ADAMTS6: variants seen among roughly 807,000 people sequenced by gnomAD.
ADAMTS6 encodes ADAM metallopeptidase with thrombospondin type 1 motif 6, also known as A disintegrin and metalloproteinase with thrombospondin motifs 6.
Under a neutral mutation model 144.3 loss-of-function variants are expected in ADAMTS6, and 23 were observed. The observed-to-expected ratio is 0.16, with a 90% confidence interval of 0.11 to 0.23. ADAMTS6 has a LOEUF of 0.23. Ranked by LOEUF, ADAMTS6 falls within the 10% of genes least tolerant of loss-of-function variation. The pLI, the probability that ADAMTS6 is intolerant of heterozygous loss-of-function variation, is 1.00. For missense variants in ADAMTS6, 999 were observed against 1,379.6 expected, an observed-to-expected ratio of 0.72 and a Z score of 4.37; for synonymous variants, 444 against 457.5, an observed-to-expected ratio of 0.97 and a Z score of 0.38.
At chr5:65,233,091 C>A (rs1411054309) in intron 15 of ADAMTS6, among the ~76,000 whole-genome samples, 2 of 152,000 alleles carry the variant, frequency 1.3e-5, no homozygotes, top group Admixed American at 6.6e-5. Context: ...AAATGAAGGA[C>A]AAAATCCAAA....
chr5:65,302,860 G>C (rs564816787), intron 9 of ADAMTS6, among the ~76,000 whole-genome samples: 1 of 152,202 alleles, frequency 6.6e-6, no homozygotes, highest in Non-Finnish European at 1.5e-5. Flanking sequence ...GACAGGCTCA[G>C]ATGGCTTTAA....
chr5:65,358,020 C>T (rs1216628705), intron 7 of ADAMTS6, among the ~76,000 whole-genome samples: 1 of 151,762 alleles, frequency 6.6e-6, no homozygotes, highest in African/African-American at 2.4e-5. Context: ...GGAAGGACAC[C>T]ACAAGAGAAG....
chr5:65,336,620 A>G (rs1747334042), intron 7 of ADAMTS6, among the ~76,000 whole-genome samples: 1 of 152,098 alleles, frequency 6.6e-6, no homozygotes, highest in African/African-American at 2.4e-5. Context: ...ATACAAATTG[A>G]GGGCACTCTT....
intron 7 of ADAMTS6, among the ~76,000 whole-genome samples, chr5:65,427,729 T>G (rs2150210222): frequency 6.9e-6 from 1 of 145,270 alleles, no homozygotes; most frequent in African/African-American, 2.6e-5. Context: ...ACCCAGGAGG[T>G]GGCGCTTGCA....
chr5:65,208,382 T>C (rs568610014), intron 20 of ADAMTS6, among the ~76,000 whole-genome samples: 1 of 152,310 alleles, frequency 6.6e-6, no homozygotes, highest in South Asian at 2.1e-4. Context: ...AAAGTTCTCC[T>C]TGGGTATTCT....
intron 7 of ADAMTS6, among the ~76,000 whole-genome samples, chr5:65,432,718 C>T (rs1757089705): frequency 1.3e-5 from 2 of 151,988 alleles, no homozygotes; most frequent in Non-Finnish European, 1.5e-5. Flanking sequence ...TATTCTATAA[C>T]TTTGTTTGCT....
intron 18 of ADAMTS6, among the ~76,000 whole-genome samples, chr5:65,222,820 A>T (rs960142658): frequency 3.9e-5 from 6 of 152,038 alleles, no homozygotes; most frequent in Non-Finnish European, 7.4e-5. Context: ...TAAAATTTCT[A>T]AGATAGGACA....
At chr5:65,475,724 T>C (rs927510804) in intron 1 of ADAMTS6, among the ~76,000 whole-genome samples, 1 of 151,954 alleles carries the variant, frequency 6.6e-6, no homozygotes. Context: ...CAGAAAAAAA[T>C]GGGAAATAGT....
chr5:65,312,368 A>G (rs1299780990), intron 9 of ADAMTS6, among the ~76,000 whole-genome samples: 1 of 152,050 alleles, frequency 6.6e-6, no homozygotes, highest in Non-Finnish European at 1.5e-5. Flanking sequence ...GAGCTTGACT[A>G]TGAATCACTT....
At chr5:65,191,606 T>C (rs942874638) in intron 21 of ADAMTS6, among the ~76,000 whole-genome samples, 1 of 152,058 alleles carries the variant, frequency 6.6e-6, no homozygotes, top group Non-Finnish European at 1.5e-5. Flanking sequence ...AATTCATTTA[T>C]ATAAATTATT....
At chr5:65,375,033 G>A (rs377229980) in intron 7 of ADAMTS6, among the ~76,000 whole-genome samples, 5 of 152,150 alleles carry the variant, frequency 3.3e-5, no homozygotes, top group Non-Finnish European at 1.5e-5. Flanking sequence ...TTAATAAATG[G>A]TGCTGGGAAA....
chr5:65,356,043 A>T (rs1026208311), intron 7 of ADAMTS6, among the ~76,000 whole-genome samples: 1 of 151,966 alleles, frequency 6.6e-6, no homozygotes, highest in East Asian at 1.9e-4. Flanking sequence ...GAAACAATTC[A>T]TGTTCAGACT....
intron 7 of ADAMTS6, among the ~76,000 whole-genome samples, chr5:65,403,764 T>C (rs1332046715): frequency 6.6e-6 from 1 of 152,076 alleles, no homozygotes; most frequent in Non-Finnish European, 1.5e-5. Flanking sequence ...CACACACATA[T>C]ACAAATAATA....
chr5:65,450,336 C>G (rs1162036119), intron 7 of ADAMTS6, among the ~76,000 whole-genome samples: 1 of 152,120 alleles, frequency 6.6e-6, no homozygotes, highest in African/African-American at 2.4e-5. Flanking sequence ...AGAAATTTCA[C>G]TGTATGACTC....
intron 14 of ADAMTS6, among the ~76,000 whole-genome samples, chr5:65,253,407 T>G (rs775282306): frequency 6.6e-6 from 1 of 152,198 alleles, no homozygotes; most frequent in African/African-American, 2.4e-5. Flanking sequence ...TCAAGAAAAG[T>G]TTTGGGATCG....
At chr5:65,243,720 C>G (rs1374278234) in intron 14 of ADAMTS6, among the ~76,000 whole-genome samples, 2 of 151,944 alleles carry the variant, frequency 1.3e-5, no homozygotes, top group African/African-American at 4.8e-5. Context: ...CTTGACTTTT[C>G]AAGCTATTTT....
Position 65,206,567 on chromosome 5 carries a change from G to A in ADAMTS6, c.2575+8227C>T, listed in dbSNP as rs145486448. ...ACAAAAAAATCAGCCGGGCATGGTG[G>A]CATGCGCCTGTAATTCCAGCTACTC... is the stretch of plus-strand genomic sequence containing the variant. On this transcript the variant is annotated intron_variant, in intron 20 of 24. Coordinates refer to ENST00000381055, the MANE Select transcript of ADAMTS6 (RefSeq NM_197941.4). 3.3e-3 allele frequency among the ~76,000 whole-genome samples: 509 copies of A among 152,048 alleles called. 3 individuals are homozygous for A. The highest frequency in any genetic ancestry group is 4.8e-3 in the Non-Finnish European group (326 of 67,976).
At chr5:65,479,803 T>C (rs1414957415) in intron 1 of ADAMTS6, among the ~76,000 whole-genome samples, 1 of 152,226 alleles carries the variant, frequency 6.6e-6, no homozygotes, top group Non-Finnish European at 1.5e-5. Context: ...AGTATTACAG[T>C]ATTTTCAGTC....
At chr5:65,254,524 T>TA (rs1195013097) in intron 14 of ADAMTS6, among the ~76,000 whole-genome samples, 3 of 152,158 alleles carry the variant, frequency 2.0e-5, no homozygotes, top group Admixed American at 6.5e-5. Flanking sequence ...ACTGTTGAGT[T>TA]AGAGAAACAG....
Sources: gnomAD v4.1 joint callset for allele counts (sites outside exome capture counted in the v4.1 genomes callset) on GRCh38, gnomAD v4.1.1 for gene constraint, MANE v1.5 for transcripts, NCBI Gene and HGNC (gene_info 2026-07-23, HGNC 2026-07-21) for gene names.